Variants in AQP2 observed in about 807,000 individuals in gnomAD.
The protein encoded by AQP2 is aquaporin 2.
In AQP2, 20 loss-of-function variants were observed where a neutral mutation model predicts 21.6. That is an observed-to-expected ratio of 0.92 (90% CI 0.65 to 1.34). The LOEUF (loss-of-function observed/expected upper bound fraction) is 1.34. Ranked by LOEUF, AQP2 falls within the 40% of genes most tolerant of loss-of-function variation. The pLI, the probability that AQP2 is intolerant of heterozygous loss-of-function variation, is 0.00. For missense variants in AQP2, 325 were observed against 363.4 expected, an observed-to-expected ratio of 0.89 and a Z score of 0.86; for synonymous variants, 168 against 166.9, an observed-to-expected ratio of 1.01 and a Z score of -0.05.
At position 49,955,727 on chromosome 12, in the gene AQP2, T is replaced by C. The variant is rs1335745380; in HGVS notation, c.*119T>C. The stretch of plus-strand genomic sequence containing the variant: ...TGGCCCCCCAGCGCAGAGTAGCTGC[T>C]TCCTGGACGTGCGCGCCCAGGCCAG... On this transcript the variant is annotated 3_prime_UTR_variant, in exon 4 of 4. Transcript: ENST00000199280. The C allele has an allele frequency of 7.7e-7, 1 of 1,299,792 alleles. No homozygotes were observed. The highest frequency in any genetic ancestry group is 1.5e-5 in the African/African-American group (1 of 68,338). 80.5% of individuals were successfully genotyped at this position (1,299,792 alleles called of 1,614,324 possible). A position where few individuals can be genotyped will look rare whatever the true frequency, so the allele number is the denominator to read the frequency against.
chr12:49,955,453 T>C lies in AQP2; in HGVS notation c.661T>C (p.Tyr221His), dbSNP rs1341191085. The change falls in exon 4 of 4, where the codon TAC becomes CAC. Residue 221 changes from tyrosine to histidine, a missense_variant. Tyr to His is a moderately conservative substitution (Grantham distance 83). Coordinates refer to ENST00000199280, the MANE Select transcript of AQP2 (RefSeq NM_000486.6). Reference protein sequence around the residue: ...GAILGSLLYNYVLFPPAKSLS... With the variant: ...GAILGSLLYNHVLFPPAKSLS... The stretch of plus-strand genomic sequence containing the variant: ...CATCCTGGGCTCCCTCCTCTACAAC[T>C]ACGTGCTGTTTCCGCCAGCCAAGAG... The C allele has an allele frequency of 6.2e-7, 1 of 1,612,790 alleles. No homozygotes were observed. Among genetic ancestry groups the C allele is most frequent in the East Asian group, 2.2e-5 (1 of 44,864 alleles).
intron 1 of AQP2, among the ~76,000 whole-genome samples, chr12:49,952,964 T>A (rs975732179): frequency 2.0e-5 from 3 of 152,210 alleles, no homozygotes; most frequent in African/African-American, 7.2e-5. Flanking sequence ...GTTCCCCCTA[T>A]GGTGAGTGGC....
In AQP2 at chr12:49,950,873, G is replaced by T; in HGVS notation, c.43G>T (p.Ala15Ser). The T allele has an allele frequency of 6.2e-7, 1 of 1,613,378 alleles. No individual in the cohort carries two copies. Among genetic ancestry groups the T allele is most frequent in the African/African-American group, 1.3e-5 (1 of 75,064 alleles). ...CATAGCCTTCTCCAGGGCTGTGTTCGCAGAGTTCCTGGCCACACTCCTCTT... is the reference window on the plus strand; with the variant it reads ...CATAGCCTTCTCCAGGGCTGTGTTCTCAGAGTTCCTGGCCACACTCCTCTT... ...RSIAFSRAVFAEFLATLLFVF... is the reference protein window; with the variant it reads ...RSIAFSRAVFSEFLATLLFVF... The change falls in exon 1 of 4, where the codon GCA becomes TCA. Residue 15 changes from alanine (A) to serine (S), a missense_variant. Ala to Ser is a moderately conservative substitution (Grantham distance 99, BLOSUM62 1). Transcript: ENST00000199280.
At position 49,951,150 on chromosome 12, in the gene AQP2, T is replaced by C. The variant is rs1248356231; in HGVS notation, c.320T>C (p.Ile107Thr). Residue 107 changes from isoleucine to threonine, a missense_variant, in exon 1 of 4, where the codon ATC becomes ACC. Physicochemically the swap from Ile to Thr is moderately conservative, Grantham distance 89. Transcript: ENST00000199280. ...AVAGAALLHE[I>T]TPADIRGDLA... Reference sequence around the variant, plus strand: ...GCCGGAGCCGCTCTGCTCCATGAGATCACGCCAGCAGACATCCGCGGGGAC... The same window carrying C: ...GCCGGAGCCGCTCTGCTCCATGAGACCACGCCAGCAGACATCCGCGGGGAC... 6.2e-7 allele frequency: 1 copy of C among 1,606,014 alleles called. No homozygotes were observed. The highest frequency in any genetic ancestry group is 1.7e-5 in the Admixed American group (1 of 59,612).
intron 1 of AQP2, among the ~76,000 whole-genome samples, chr12:49,952,580 A>T (rs1947337868): frequency 6.6e-6 from 1 of 152,234 alleles, no homozygotes. Flanking sequence ...CATGACCAGG[A>T]AGTCCTTCTC....
At chr12:49,951,570 T>C (rs1390303697) in intron 1 of AQP2, 4 of 221,556 alleles carry the variant, frequency 1.8e-5, no homozygotes, top group Non-Finnish European at 2.7e-5. Flanking sequence ...ATCACAGGGT[T>C]CTCAAGAGAG....
At chr12:49,955,147 G>A (rs1336572507) in intron 3 of AQP2, among the ~76,000 whole-genome samples, 2 of 152,190 alleles carry the variant, frequency 1.3e-5, no homozygotes, top group East Asian at 1.9e-4. Context: ...GTAACTTGTT[G>A]AAGTGCACAC....
rs1340493719 is a variant in AQP2, at chr12:49,958,846, A to G, written c.*3238A>G. 6.6e-6 allele frequency: 1 copy of G among 152,246 alleles called. No homozygotes were observed. Among genetic ancestry groups the G allele is most frequent in the African/African-American group, 2.4e-5 (1 of 41,450 alleles). The allele number at this position is 152,246 out of a possible 1,614,324, so 9.4% of individuals were successfully genotyped here. Reference sequence around the variant, plus strand: ...CTACCTTCCTTCAACTGCTCTGCATATAATAAGCACTCAATAAATGCTCAT... The same window carrying G: ...CTACCTTCCTTCAACTGCTCTGCATGTAATAAGCACTCAATAAATGCTCAT... On this transcript the variant is annotated 3_prime_UTR_variant, in exon 4 of 4. Coordinates refer to ENST00000199280, the MANE Select transcript of AQP2 (RefSeq NM_000486.6).
In AQP2 at chr12:49,956,439, G is replaced by A. The variant is rs1947371067; in HGVS notation, c.*831G>A. 1 of 152,210 alleles carries A rather than the reference G, an allele frequency of 6.6e-6. No homozygotes were observed. Among genetic ancestry groups the A allele is most frequent in the Non-Finnish European group, 1.5e-5 (1 of 68,054 alleles). 9.4% of individuals were successfully genotyped at this position (152,210 alleles called of 1,614,324 possible). A position where few individuals can be genotyped will look rare whatever the true frequency, so the allele number is the denominator to read the frequency against. ...GGTGGCCAAAGATTTCCTTTCTGTG[G>A]TGAGGGAGAACCTCTCCAAAGAGGA... On this transcript the variant is annotated 3_prime_UTR_variant, in exon 4 of 4. Coordinates refer to ENST00000199280, the MANE Select transcript of AQP2 (RefSeq NM_000486.6).
chr12:49,955,459 C>T lies in AQP2; in HGVS notation c.667C>T (p.Leu223=), dbSNP rs1481844552. ...GGGCTCCCTCCTCTACAACTACGTGCTGTTTCCGCCAGCCAAGAGCCTGTC... is the reference window on the plus strand; with the variant it reads ...GGGCTCCCTCCTCTACAACTACGTGTTGTTTCCGCCAGCCAAGAGCCTGTC... The part of the protein sequence containing the change: ...ILGSLLYNYV[L]FPPAKSLSER... Residue 223 remains leucine, a synonymous_variant, in exon 4 of 4, where the codon CTG becomes TTG. Coordinates refer to ENST00000199280, the MANE Select transcript of AQP2 (RefSeq NM_000486.6). 6.2e-7 allele frequency: 1 copy of T among 1,612,852 alleles called. No homozygotes were observed. Among genetic ancestry groups the T allele is most frequent in the East Asian group, 2.2e-5 (1 of 44,870 alleles).
At chr12:49,954,392 G>T in intron 2 of AQP2, 73 bp downstream of exon 2, 1 of 1,498,420 alleles carries the variant, frequency 6.7e-7, no homozygotes, top group South Asian at 1.2e-5. Context: ...CAGACACAGA[G>T]ACCCCAAGAG....
intron 3 of AQP2, 140 bp from the exon 4 acceptor site, chr12:49,955,259 T>G: frequency 5.3e-6 from 5 of 943,986 alleles, no homozygotes; most frequent in South Asian, 3.5e-5. Context: ...GGCGTTGTCG[T>G]TGTAATTACA....
chr12:49,953,245 G>A (rs559081184), intron 1 of AQP2, among the ~76,000 whole-genome samples: 7 of 152,186 alleles, frequency 4.6e-5, no homozygotes, highest in African/African-American at 1.4e-4. Context: ...CTGATGTCTC[G>A]GACCCAGGGG....
chr12:49,951,470 A>G (rs1947329361), intron 1 of AQP2: 1 of 517,006 alleles, frequency 1.9e-6, no homozygotes, highest in Non-Finnish European at 3.4e-6. Context: ...CTCAACGCCT[A>G]CATTACAGTG....
chr12:49,952,452 G>A (rs925402122), intron 1 of AQP2, among the ~76,000 whole-genome samples: 1 of 152,190 alleles, frequency 6.6e-6, no homozygotes, highest in African/African-American at 2.4e-5. Flanking sequence ...GGGGCCAGGG[G>A]CCAAGGAAAG....
At position 49,955,503 on chromosome 12, in the gene AQP2, G is replaced by A. The variant is rs752912371; in HGVS notation, c.711G>A (p.Leu237=). The A allele has an allele frequency of 4.3e-6, 7 of 1,612,624 alleles. No homozygotes were observed. The South Asian group carries it at 7.7e-5, about 18-fold the overall frequency. Residue 237 remains leucine, a synonymous_variant, in exon 4 of 4, where the codon CTG becomes CTA. Coordinates refer to ENST00000199280, the MANE Select transcript of AQP2 (RefSeq NM_000486.6). ...GCCTGTCGGAGCGCCTGGCAGTGCT[G>A]AAGGGCCTGGAGCCGGACACCGATT... ...AKSLSERLAV[L]KGLEPDTDWE...
At position 49,955,719 on chromosome 12, in the gene AQP2, G is replaced by A. The variant is rs1947364665; in HGVS notation, c.*111G>A. 2.2e-6 allele frequency: 3 copies of A among 1,356,594 alleles called. No homozygotes were observed. Among genetic ancestry groups the A allele is most frequent in the Non-Finnish European group, 2.0e-6 (2 of 986,844 alleles). The allele number at this position is 1,356,594 out of a possible 1,614,324, so 84.0% of individuals were successfully genotyped here. Reference sequence around the variant, plus strand: ...TCTGAAGTTGGCCCCCCAGCGCAGAGTAGCTGCTTCCTGGACGTGCGCGCC... The same window carrying A: ...TCTGAAGTTGGCCCCCCAGCGCAGAATAGCTGCTTCCTGGACGTGCGCGCC... On this transcript the variant is annotated 3_prime_UTR_variant, in exon 4 of 4. Transcript: ENST00000199280.
In AQP2 at chr12:49,955,436, G is replaced by A; in HGVS notation, c.644G>A (p.Gly215Asp). 6.2e-7 allele frequency: 1 copy of A among 1,612,776 alleles called. No homozygotes were observed. The change falls in exon 4 of 4, where the codon GGC becomes GAC. Residue 215 changes from glycine (G) to aspartate (D), a missense_variant. By Grantham distance (94) the Gly-to-Asp change is moderately conservative. Coordinates refer to ENST00000199280, the MANE Select transcript of AQP2 (RefSeq NM_000486.6). Reference protein sequence around the residue: ...WIGPLVGAILGSLLYNYVLFP... With the variant: ...WIGPLVGAILDSLLYNYVLFP... ...GGACCCCTGGTGGGCGCCATCCTGG[G>A]CTCCCTCCTCTACAACTACGTGCTG...
At chr12:49,954,015 C>G in intron 1 of AQP2, 140 bp from the exon 2 acceptor site, 1 of 1,209,762 alleles carries the variant, frequency 8.3e-7, no homozygotes, top group South Asian at 1.2e-5. Flanking sequence ...GTCGTTGCAG[C>G]TAAGGCGTCT....
Sources: allele counts gnomAD v4.1 joint callset (sites outside exome capture counted in the v4.1 genomes callset), GRCh38; gene constraint gnomAD v4.1.1; transcripts MANE v1.5; gene names NCBI Gene and HGNC (gene_info 2026-07-23, HGNC 2026-07-21).